Variants in SPTAN1 observed in about 807,000 individuals in gnomAD.
SPTAN1 encodes the protein spectrin alpha chain, non-erythrocytic 1.
SPTAN1 carries 61 observed loss-of-function variants against 331.3 expected under a neutral mutation model. The ratio of observed to expected loss-of-function variants is 0.18; its 90% CI spans 0.15 to 0.23. The LOEUF (loss-of-function observed/expected upper bound fraction) is 0.23. Ranked by LOEUF, SPTAN1 falls within the 10% of genes least tolerant of loss-of-function variation. The probability of loss-of-function intolerance (pLI) is 1.00; values close to 1 mark genes in which losing one functional copy is unlikely to be tolerated. For synonymous variants in SPTAN1, 1,153 were observed against 1,173.9 expected (o/e 0.98, Z 0.36); for missense variants, 2,043 against 3,147.9 (o/e 0.65, Z 8.40).
At position 128,630,326 on chromosome 9, in the gene SPTAN1, G is replaced by C; in HGVS notation, c.6713G>C (p.Cys2238Ser). 6.2e-7 allele frequency: 1 copy of C among 1,613,572 alleles called. No homozygotes were observed. The highest frequency in any genetic ancestry group is 2.2e-5 in the East Asian group (1 of 44,878). ...ETRTYLLDGS[C>S]MVEESGTLES... The stretch of plus-strand genomic sequence containing the variant: ...CACTGTCCTTCCACGTTTAGGTCCT[G>C]TATGGTGGAAGAGTCGGGGACCCTC... Residue 2238 changes from cysteine to serine, a missense_variant, in exon 52 of 57, where the codon TGT becomes TCT. Around this residue, in one of 12 missense-constraint regions of SPTAN1, gnomAD observed 256 missense variants for 376.4 expected, o/e 0.68. Transcript: ENST00000372739.
In SPTAN1 at chr9:128,579,689, A is replaced by G. The variant is rs11792065; in HGVS notation, c.1274A>G (p.Gln425Arg). The G allele has an allele frequency of 8.2e-5, 132 of 1,614,036 alleles. No homozygotes were observed. Among genetic ancestry groups the G allele is most frequent in the Non-Finnish European group, 1.0e-4 (123 of 1,180,018 alleles). Residue 425 changes from glutamine (Q) to arginine (R), a missense_variant, in exon 10 of 57, where the codon CAG becomes CGG. By Grantham distance (43) the Gln-to-Arg change is conservative (BLOSUM62 1). Coordinates refer to ENST00000372739, the MANE Select transcript of SPTAN1 (RefSeq NM_001130438.3). ...TTCAAATCTGCAGATGAATCTGGAC[A>G]GGCACTGCTTGCTGCTGGTCACTAT... ...DSFKSADESGQALLAAGHYAS... is the reference protein window; with the variant it reads ...DSFKSADESGRALLAAGHYAS...
At position 128,611,792 on chromosome 9, in the gene SPTAN1, G is replaced by C; in HGVS notation, c.4852G>C (p.Gly1618Arg). ...CCGGATCCGTGGGGTTATCGACATG[G>C]GCAACTCCCTCATTGAACGTGGAGC... ...ADRIRGVIDMGNSLIERGACA... is the reference protein window; with the variant it reads ...ADRIRGVIDMRNSLIERGACA... The change falls in exon 38 of 57, where the codon GGC (glycine) becomes CGC (arginine). Residue 1618 changes from glycine to arginine, a missense_variant. Gly to Arg is a moderately radical substitution (Grantham distance 125). Around this residue, in one of 12 missense-constraint regions of SPTAN1, gnomAD observed 323 missense variants for 581.1 expected, o/e 0.56. Transcript: ENST00000372739. 1 of 1,614,160 alleles carries C rather than the reference G, an allele frequency of 6.2e-7. No homozygotes were observed. Among genetic ancestry groups the C allele is most frequent in the Non-Finnish European group, 8.5e-7 (1 of 1,180,040 alleles).
chr9:128,581,423 T>C (rs773501997), intron 11 of SPTAN1, among the ~76,000 whole-genome samples: 2 of 149,352 alleles, frequency 1.3e-5, no homozygotes, highest in African/African-American at 2.5e-5. Flanking sequence ...CAGCAAGCTA[T>C]GATCGTACCA....
At chr9:128,585,642 A>C in intron 18 of SPTAN1, 106 bp from the exon 19 acceptor site, 1 of 953,878 alleles carries the variant, frequency 1.0e-6, no homozygotes, top group South Asian at 1.3e-5. Flanking sequence ...AGCTCACCAA[A>C]ACATAGTAAT....
chr9:128,622,655 T>C (rs1858061296), intron 45 of SPTAN1, among the ~76,000 whole-genome samples: 1 of 152,174 alleles, frequency 6.6e-6, no homozygotes, highest in Non-Finnish European at 1.5e-5. Flanking sequence ...AATTTATCTT[T>C]CAATTCTTTT....
intron 24 of SPTAN1, chr9:128,595,818 C>T (rs947266983): frequency 8.5e-5 from 13 of 152,076 alleles, no homozygotes; most frequent in African/African-American, 3.1e-4. Flanking sequence ...CTTTTTGTGA[C>T]TGGCTTCTTT....
rs763178321 is a variant in SPTAN1 at position 128,629,591 on chromosome 9, C to T, written c.6708-730C>T. 4.6e-5 allele frequency: 8 copies of T among 174,276 alleles called. No individual in the cohort carries two copies. Among genetic ancestry groups the T allele is most frequent in the East Asian group, 1.5e-4 (1 of 6,604 alleles). 10.8% of individuals were successfully genotyped at this position (174,276 alleles called of 1,614,324 possible). ...TTCGTCCCTGCACGTAACCCTAACT[C>T]GTTTGTTGTCTTTGTTTACTGGTAG... On this transcript the variant is annotated intron_variant, in intron 51 of 56. Coordinates refer to ENST00000372739, the MANE Select transcript of SPTAN1 (RefSeq NM_001130438.3). This position sits in a 1 kb window ranked among gnomAD's most constrained non-coding sequence, Gnocchi z 4.9.
At chr9:128,563,213 C>T (rs766792989) in intron 1 of SPTAN1, among the ~76,000 whole-genome samples, 3 of 151,360 alleles carry the variant, frequency 2.0e-5, no homozygotes, top group Non-Finnish European at 2.9e-5. Flanking sequence ...TCCAGGAGTT[C>T]GAGACTAGCC....
At chr9:128,620,514 C>T (rs142928576) in intron 44 of SPTAN1, among the ~76,000 whole-genome samples, 98 of 152,158 alleles carry the variant, frequency 6.4e-4, no homozygotes, top group African/African-American at 2.2e-3. Flanking sequence ...GTCAGGAGTC[C>T]GAGACCAACC....
At chr9:128,616,492 C>T (rs540628075) in intron 41 of SPTAN1, among the ~76,000 whole-genome samples, 12 of 151,158 alleles carry the variant, frequency 7.9e-5, no homozygotes, top group African/African-American at 2.2e-4. Flanking sequence ...TGTGGCCGGG[C>T]GCAGTGGCTC....
intron 24 of SPTAN1, among the ~76,000 whole-genome samples, chr9:128,597,084 C>T (rs936853346): frequency 2.6e-5 from 4 of 152,074 alleles, no homozygotes; most frequent in Admixed American, 2.6e-4. Flanking sequence ...CGCTTGAACC[C>T]GGGAGGCGGA....
chr9:128,608,857 C>G lies in SPTAN1; in HGVS notation c.4492-17C>G. On this transcript the variant is annotated splice_polypyrimidine_tract_variant and intron_variant, in intron 34 of 56. Transcript: ENST00000372739. ...GCCACAGGCCCACCTTGATCTCATG[C>G]CTTTGTTTTCTGACAGGAAGAGAAG... 6.2e-7 allele frequency: 1 copy of G among 1,612,914 alleles called. No individual in the cohort carries two copies. Among genetic ancestry groups the G allele is most frequent in the Non-Finnish European group, 8.5e-7 (1 of 1,179,640 alleles).
In SPTAN1 at chr9:128,632,871, C is replaced by G. The variant is rs771262997; in HGVS notation, c.7224C>G (p.Val2408=). ...TGATCAGCCGCGAAACTGAGAACGT[C>G]AAGTCCAGCGAGGAGATTGAGAGCG... ...AFMISRETEN[V]KSSEEIESAF... is the part of the protein sequence containing the mutation. Residue 2408 remains valine, a synonymous_variant, in exon 56 of 57, where the codon GTC becomes GTG. Coordinates refer to ENST00000372739, the MANE Select transcript of SPTAN1 (RefSeq NM_001130438.3). 2.3e-5 allele frequency: 37 copies of G among 1,613,952 alleles called. No homozygotes were observed. Among genetic ancestry groups the G allele is most frequent in the Non-Finnish European group, 3.1e-5 (36 of 1,180,056 alleles).
chr9:128,623,243 T>TC (rs1858177592), intron 45 of SPTAN1, among the ~76,000 whole-genome samples: 1 of 151,606 alleles, frequency 6.6e-6, no homozygotes, highest in East Asian at 1.9e-4. Flanking sequence ...TTTTTTCTTT[T>TC]TTTTTTTTAA....
chr9:128,574,618 G>C lies in SPTAN1; in HGVS notation c.364-57G>C. Reference sequence around the variant, plus strand: ...TAACTTGTCTAAACTCTATGGAAGAGCCAGATCCCACAGAGCCAGTTGTGA... The same window carrying C: ...TAACTTGTCTAAACTCTATGGAAGACCCAGATCCCACAGAGCCAGTTGTGA... On this transcript the variant is annotated intron_variant, in intron 3 of 56. Transcript: ENST00000372739. 3 of 1,606,804 alleles carry C rather than the reference G, an allele frequency of 1.9e-6. No individual in the cohort carries two copies. In the East Asian group the frequency reaches 6.7e-5, roughly 36 times the overall value.
intron 23 of SPTAN1, 105 bp from the exon 24 acceptor site, chr9:128,594,059 ACAAACTCGTAG>A (rs1362681525): frequency 2.1e-6 from 2 of 963,382 alleles, no homozygotes; most frequent in Admixed American, 1.9e-5. Flanking sequence ...CATCATCATT[ACAAACTCGTAG>A]CCTGGAATCC....
chr9:128,570,499 G>A (rs10988043), intron 3 of SPTAN1, among the ~76,000 whole-genome samples: 24,022 of 148,732 alleles, frequency 0.16, 2,455 homozygotes, highest in East Asian at 0.44. Context: ...CACCATGCCC[G>A]GCTAATTTTT....
intron 1 of SPTAN1, among the ~76,000 whole-genome samples, chr9:128,553,896 TG>T (rs1564171368): frequency 6.6e-6 from 1 of 152,058 alleles, no homozygotes; most frequent in East Asian, 1.9e-4. Flanking sequence ...TAAAACAGAA[TG>T]TATCAAAGAT....
chr9:128,633,347 G>A lies in SPTAN1; in HGVS notation c.*13G>A. On this transcript the variant is annotated 3_prime_UTR_variant, in exon 57 of 57. Transcript: ENST00000372739. Reference sequence around the variant, plus strand: ...TTTCGTGAACTGAGCCACTCCCTGGGTCACCCACCCCTCGCTGCTTGCCCT... The same window carrying A: ...TTTCGTGAACTGAGCCACTCCCTGGATCACCCACCCCTCGCTGCTTGCCCT... 6.2e-7 allele frequency: 1 copy of A among 1,613,674 alleles called. No homozygotes were observed. Among genetic ancestry groups the A allele is most frequent in the Non-Finnish European group, 8.5e-7 (1 of 1,180,026 alleles).
Sources: gnomAD v4.1 joint callset for allele counts (sites outside exome capture counted in the v4.1 genomes callset) on GRCh38, gnomAD v4.1.1 for gene constraint, gnomAD v4.1.1 regional missense constraint, Gnocchi (gnomAD v3.1) non-coding constraint, MANE v1.5 for transcripts, NCBI Gene and HGNC (gene_info 2026-07-23, HGNC 2026-07-21) for gene names.